CTIF: variants seen among roughly 807,000 people sequenced by gnomAD.
CTIF encodes cap binding complex dependent translation initiation factor.
In CTIF, 21 loss-of-function variants were observed where a neutral mutation model predicts 66.0. That is an observed-to-expected ratio of 0.32 (90% CI 0.23 to 0.46). The LOEUF is 0.46. Among genes scored for constraint, CTIF ranks in the 20% least tolerant of loss-of-function variants. The pLI, the probability that CTIF is intolerant of heterozygous loss-of-function variation, is 1.00. For synonymous variants in CTIF, 345 were observed against 326.4 expected, an observed-to-expected ratio of 1.06 and a Z score of -0.62; for missense variants, 739 against 812.7, an observed-to-expected ratio of 0.91 and a Z score of 1.10.
chr18:48,728,190 C>T (rs1356496606), intron 7 of CTIF, among the ~76,000 whole-genome samples: 1 of 152,150 alleles, frequency 6.6e-6, no homozygotes, highest in Non-Finnish European at 1.5e-5. Flanking sequence ...ATATTTTTCA[C>T]CTCCCTTAAA....
intron 10 of CTIF, among the ~76,000 whole-genome samples, chr18:48,825,291 G>T (rs1166680682): frequency 6.6e-6 from 1 of 151,980 alleles, no homozygotes; most frequent in Non-Finnish European, 1.5e-5. Context: ...GAAGGGCAGG[G>T]AGAGGGCAGA....
intron 9 of CTIF, among the ~76,000 whole-genome samples, chr18:48,764,764 T>G (rs2145912582): frequency 6.6e-6 from 1 of 152,328 alleles, no homozygotes; most frequent in East Asian, 1.9e-4. Context: ...CACTCACCCC[T>G]GTTTACCACC....
intron 1 of CTIF, among the ~76,000 whole-genome samples, chr18:48,560,612 C>T (rs575027192): frequency 2.6e-5 from 4 of 152,190 alleles, no homozygotes; most frequent in African/African-American, 9.6e-5. Context: ...GTTCTGATGC[C>T]CAGGCTGGAG....
At position 48,559,062 on chromosome 18, in the gene CTIF, A is replaced by G. The variant is rs75153211; in HGVS notation, c.-29+19750A>G. Among the ~76,000 whole-genome samples the G allele has an allele frequency of 7.5e-3, 1,142 of 152,268 alleles. 8 individuals are homozygous for G. The highest frequency in any genetic ancestry group is 0.026 in the African/African-American group (1,097 of 41,548). The stretch of plus-strand genomic sequence containing the variant: ...ATATCCTCTCCCGTCTTGTTGAGTG[A>G]TGGTGATCATATTTTCTGAATCAAA... On this transcript the variant is annotated intron_variant, in intron 1 of 11. Coordinates refer to ENST00000256413, the MANE Select transcript of CTIF (RefSeq NM_014772.3).
At chr18:48,611,202 A>T (rs539999700) in intron 1 of CTIF, among the ~76,000 whole-genome samples, 3 of 152,218 alleles carry the variant, frequency 2.0e-5, no homozygotes, top group Non-Finnish European at 4.4e-5. Flanking sequence ...GGCAGCATAG[A>T]TATCAGGAAC....
chr18:48,839,151 G>A (rs534950019), intron 10 of CTIF, among the ~76,000 whole-genome samples: 1 of 152,216 alleles, frequency 6.6e-6, no homozygotes, highest in East Asian at 1.9e-4. Context: ...CTAGGCCACT[G>A]TTTCCTTTCC....
rs184091638 is a variant in CTIF at position 48,757,781 on chromosome 18, G to A, written c.585-138G>A. The stretch of plus-strand genomic sequence containing the variant: ...GGGCTGTCACAGACTCTGGCACGTA[G>A]AAGGTGCTCAGGAAGTGTTTGTTGG... On this transcript the variant is annotated intron_variant, in intron 7 of 11. Coordinates refer to ENST00000256413, the MANE Select transcript of CTIF (RefSeq NM_014772.3). 2.1e-4 allele frequency: 243 copies of A among 1,178,700 alleles called. No individual in the cohort carries two copies. In the Middle Eastern group the frequency reaches 2.7e-3, roughly 13 times the overall value. The allele number at this position is 1,178,700 out of a possible 1,614,324, so 73.0% of individuals were successfully genotyped here.
At chr18:48,601,431 C>T (rs1434886963) in intron 1 of CTIF, among the ~76,000 whole-genome samples, 1 of 152,192 alleles carries the variant, frequency 6.6e-6, no homozygotes, top group Non-Finnish European at 1.5e-5. Flanking sequence ...GCCAGACTTT[C>T]TCATAGGCGA....
At chr18:48,788,837 C>T (rs890459877) in intron 9 of CTIF, among the ~76,000 whole-genome samples, 4 of 152,152 alleles carry the variant, frequency 2.6e-5, no homozygotes, top group African/African-American at 9.7e-5. Context: ...ATCACCGGCC[C>T]AGAGGTGTAG....
chr18:48,750,608 A>G (rs1287396322), intron 7 of CTIF, among the ~76,000 whole-genome samples: 1 of 152,242 alleles, frequency 6.6e-6, no homozygotes, highest in African/African-American at 2.4e-5. Flanking sequence ...ATGGAAACCA[A>G]GGGCTGCAGT....
intron 1 of CTIF, among the ~76,000 whole-genome samples, chr18:48,572,841 A>C (rs1231934251): frequency 6.6e-6 from 1 of 152,068 alleles, no homozygotes; most frequent in Non-Finnish European, 1.5e-5. Context: ...TACAAAACCT[A>C]GCCAGGCCAC....
intron 3 of CTIF, among the ~76,000 whole-genome samples, chr18:48,646,512 C>T (rs145703379): frequency 0.02 from 2,959 of 151,714 alleles, 36 homozygotes; most frequent in African/African-American, 0.031. Flanking sequence ...TCTGGGAGGC[C>T]GAGGCGGGTG....
intron 9 of CTIF, among the ~76,000 whole-genome samples, chr18:48,786,834 C>T (rs1237157740): frequency 6.6e-6 from 1 of 151,722 alleles, no homozygotes; most frequent in Non-Finnish European, 1.5e-5. Context: ...CCACCATGGT[C>T]ATTACCACCC....
intron 6 of CTIF, among the ~76,000 whole-genome samples, chr18:48,709,575 G>T (rs1010351902): frequency 6.6e-6 from 1 of 152,222 alleles, no homozygotes; most frequent in Non-Finnish European, 1.5e-5. Context: ...TGCCGCCGCC[G>T]GTAGGGAGCC....
At chr18:48,834,987 C>T (rs1041934414) in intron 10 of CTIF, among the ~76,000 whole-genome samples, 1 of 152,188 alleles carries the variant, frequency 6.6e-6, no homozygotes, top group Non-Finnish European at 1.5e-5. Context: ...TTCCGGGAAG[C>T]GAAAAGCACC....
At chr18:48,657,784 A>G (rs903981485) in intron 3 of CTIF, among the ~76,000 whole-genome samples, 1 of 152,166 alleles carries the variant, frequency 6.6e-6, no homozygotes, top group Non-Finnish European at 1.5e-5. Flanking sequence ...CACTGAGTCC[A>G]GGAAGAGTAT....
chr18:48,814,458 G>C (rs766679245), intron 9 of CTIF, among the ~76,000 whole-genome samples: 5 of 152,216 alleles, frequency 3.3e-5, no homozygotes, highest in Non-Finnish European at 7.3e-5. Flanking sequence ...ACCCAGAGCA[G>C]AGAAGGGGCT....
rs570002292 is a variant in CTIF at position 48,732,318 on chromosome 18, G to T, written c.584+20623G>T. On this transcript the variant is annotated intron_variant, in intron 7 of 11. Transcript: ENST00000256413. ...CAGGGGTAACAGAAGAACCTGGAAG[G>T]CTGTAGGAAAAATAGAAGCCTGTTT... 1.4e-4 allele frequency among the ~76,000 whole-genome samples: 22 copies of T among 152,292 alleles called. No homozygotes were observed. The East Asian group carries it at 2.5e-3, about 17-fold the overall frequency.
intron 3 of CTIF, among the ~76,000 whole-genome samples, chr18:48,655,097 A>G (rs764518842): frequency 2.4e-4 from 37 of 152,152 alleles, no homozygotes; most frequent in Non-Finnish European, 3.4e-4. Flanking sequence ...CATTGTGCAC[A>G]TGTACCCTAG....
Sources: allele counts gnomAD v4.1 joint callset (sites outside exome capture counted in the v4.1 genomes callset), GRCh38; gene constraint gnomAD v4.1.1; transcripts MANE v1.5; gene names NCBI Gene and HGNC (gene_info 2026-07-23, HGNC 2026-07-21).